NFIA: variants seen among roughly 807,000 people sequenced by gnomAD.
NFIA encodes nuclear factor I A.
NFIA carries 8 observed loss-of-function variants against 62.8 expected under a neutral mutation model. That is an observed-to-expected ratio of 0.13 (90% CI 0.07 to 0.23). NFIA has a LOEUF of 0.23. Among genes scored for constraint, NFIA ranks in the 10% least tolerant of loss-of-function variants. The pLI is 1.00. For missense variants in NFIA, 410 were observed against 642.1 expected (o/e 0.64, Z 3.91); for synonymous variants, 235 against 238.1 (o/e 0.99, Z 0.12).
chr1:61,078,331 AAG>A (rs1646057080), upstream of NFIA, among the ~76,000 whole-genome samples: 1 of 152,002 alleles, frequency 6.6e-6, no homozygotes, highest in African/African-American at 2.4e-5. Context: ...CTTTTGGAAA[AAG>A]AAACATTCTG....
chr1:61,453,613 G>A (rs1668169744), intron 10 of NFIA, among the ~76,000 whole-genome samples: 1 of 152,060 alleles, frequency 6.6e-6, no homozygotes, highest in Non-Finnish European at 1.5e-5. Context: ...CTTAGTGTCA[G>A]ATTGAAGAAG....
At chr1:61,113,596 G>GAAAAAA (rs376543670) in intron 2 of NFIA, among the ~76,000 whole-genome samples, 1 of 106,974 alleles carries the variant, frequency 9.3e-6, no homozygotes, top group African/African-American at 3.6e-5. Flanking sequence ...CTCCATCTCA[G>GAAAAAA]AAAAAAAAAA....
At chr1:61,314,856 C>T (rs1660288790) in intron 3 of NFIA, among the ~76,000 whole-genome samples, 1 of 152,186 alleles carries the variant, frequency 6.6e-6, no homozygotes, top group Non-Finnish European at 1.5e-5. Context: ...AAGCCTTCCC[C>T]ACTAGCTGTT....
intron 3 of NFIA, among the ~76,000 whole-genome samples, chr1:61,301,745 A>C (rs1412191235): frequency 6.6e-6 from 1 of 152,214 alleles, no homozygotes; most frequent in Non-Finnish European, 1.5e-5. Context: ...GAGTATGAAC[A>C]TGCTGATTTA....
chr1:61,090,644 AG>A (rs1483576711), intron 2 of NFIA, among the ~76,000 whole-genome samples: 1 of 152,220 alleles, frequency 6.6e-6, no homozygotes, highest in African/African-American at 2.4e-5. Context: ...AAGGTTACTT[AG>A]GAGAGTTAGC....
rs144519297 is a variant in NFIA, at chr1:61,307,635, G to C, written c.626-24877G>C. Among the ~76,000 whole-genome samples, 1,334 of 152,290 alleles carry C rather than the reference G, an allele frequency of 8.8e-3. 8 individuals are homozygous for C. Among genetic ancestry groups the C allele is most frequent in the Middle Eastern group, 0.031 (9 of 294 alleles). ...TCATTTCCAGTACCCACATATGACT[G>C]TGCTTCTGTTTTGTGTTTTATTAAG... On this transcript the variant is annotated intron_variant, in intron 3 of 10. Coordinates refer to ENST00000403491, the MANE Select transcript of NFIA (RefSeq NM_001134673.4).
chr1:61,306,266 G>GTTGTTT (rs1557695597), intron 3 of NFIA, among the ~76,000 whole-genome samples: 3 of 45,356 alleles, frequency 6.6e-5, no homozygotes, highest in South Asian at 1.6e-3. Context: ...CCCAGATTTT[G>GTTGTTT]TTCTTTTTTT....
chr1:61,332,652 A>T, intron 4 of NFIA, 66 bp downstream of exon 4: 1 of 1,311,766 alleles, frequency 7.6e-7, no homozygotes, highest in East Asian at 2.4e-5. Context: ...TCTGCCTAGG[A>T]CTCCTAGAGA....
chr1:61,120,568 G>A (rs1414343980), intron 2 of NFIA, among the ~76,000 whole-genome samples: 2 of 152,176 alleles, frequency 1.3e-5, no homozygotes, highest in African/African-American at 4.8e-5. Flanking sequence ...CATCAAAAGA[G>A]TGATAAGCTT....
intron 10 of NFIA, among the ~76,000 whole-genome samples, chr1:61,452,523 G>A (rs1668102681): frequency 6.6e-6 from 1 of 152,048 alleles, no homozygotes; most frequent in African/African-American, 2.4e-5. Context: ...GTTTTTTCAC[G>A]GGTTATTAAA....
In NFIA at chr1:61,444,949, G is replaced by A. The variant is rs549030786; in HGVS notation, c.1513-10354G>A. ...GGACCGTTTCAAACTAGCACTGTGT[G>A]TGTGTATTGAGAGTTTGTTCCCAAA... On this transcript the variant is annotated intron_variant, in intron 10 of 10. Coordinates refer to ENST00000403491, the MANE Select transcript of NFIA (RefSeq NM_001134673.4). Among the ~76,000 whole-genome samples the A allele has an allele frequency of 5.9e-5, 9 of 152,318 alleles. No homozygotes were observed. In the South Asian group the frequency reaches 1.2e-3, roughly 21 times the overall value.
Position 61,160,938 on chromosome 1 carries a change from A to G in NFIA, c.559+72258A>G, listed in dbSNP as rs185697235. Among the ~76,000 whole-genome samples, 38 of 152,326 alleles carry G rather than the reference A, an allele frequency of 2.5e-4. No homozygotes were observed. The East Asian group carries it at 7.1e-3, about 29-fold the overall frequency. The stretch of plus-strand genomic sequence containing the variant: ...TACATGTTTTGTTTTGTTTTGAGAC[A>G]GAGCCTCACTCTGTTGTCCAGGCTG... On this transcript the variant is annotated intron_variant, in intron 2 of 10. Coordinates refer to ENST00000403491, the MANE Select transcript of NFIA (RefSeq NM_001134673.4).
chr1:61,382,875 G>A (rs560358163), intron 6 of NFIA, among the ~76,000 whole-genome samples: 2 of 152,278 alleles, frequency 1.3e-5, no homozygotes, highest in Admixed American at 1.3e-4. Context: ...GATTGCATGT[G>A]AAGTCTTCAT....
intron 2 of NFIA, among the ~76,000 whole-genome samples, chr1:61,109,132 T>A (rs1302633160): frequency 6.6e-6 from 1 of 151,870 alleles, no homozygotes; most frequent in Non-Finnish European, 1.5e-5. Flanking sequence ...TTTTCCTTTT[T>A]CCTCATGTAA....
intron 2 of NFIA, among the ~76,000 whole-genome samples, chr1:61,272,292 A>G (rs1657556678): frequency 6.6e-6 from 1 of 152,168 alleles, no homozygotes; most frequent in African/African-American, 2.4e-5. Flanking sequence ...GGTTTTTCCA[A>G]TATTTTCTTC....
intron 5 of NFIA, among the ~76,000 whole-genome samples, chr1:61,352,955 G>C (rs933248677): frequency 6.6e-6 from 1 of 152,056 alleles, no homozygotes; most frequent in Non-Finnish European, 1.5e-5. Context: ...ATGAGCAAAG[G>C]CTTGGAGGAA....
intron 2 of NFIA, among the ~76,000 whole-genome samples, chr1:61,095,287 T>C (rs144817948): frequency 1.3e-4 from 20 of 152,350 alleles, no homozygotes; most frequent in African/African-American, 4.8e-4. Flanking sequence ...AGGTTTGTCA[T>C]AGTCATATAT....
At chr1:61,407,884 G>A (rs181749507) in intron 9 of NFIA, among the ~76,000 whole-genome samples, 7 of 152,212 alleles carry the variant, frequency 4.6e-5, no homozygotes, top group Non-Finnish European at 7.4e-5. Flanking sequence ...GGATGAATGC[G>A]GTGAATGAAG....
Position 61,406,542 on chromosome 1 carries a change from T to TGGGGGGGGGGGGGGGGGCGGGGGGGG in NFIA, c.1255-19_1255-18insGGGGGGGGGGGGGGGGCGGGGGGGGG. ...TTCTTTTTCTTGTACGTGTGTTTTC[T>TGGGGGGGGGGGGGGGGGCGGGGGGGG]GCCCCCCCCCCCCCCACAGCCCAAT... On this transcript the variant is annotated intron_variant, in intron 8 of 10. Coordinates refer to ENST00000403491, the MANE Select transcript of NFIA (RefSeq NM_001134673.4). The TGGGGGGGGGGGGGGGGGCGGGGGGGG allele has an allele frequency of 8.0e-7, 1 of 1,253,830 alleles. No homozygotes were observed. The highest frequency in any genetic ancestry group is 1.1e-6 in the Non-Finnish European group (1 of 931,744). The allele number at this position is 1,253,830 out of a possible 1,614,324, so 77.7% of individuals were successfully genotyped here.
Sources: allele counts gnomAD v4.1 joint callset (sites outside exome capture counted in the v4.1 genomes callset), GRCh38; gene constraint gnomAD v4.1.1; transcripts MANE v1.5; gene names NCBI Gene and HGNC (gene_info 2026-07-23, HGNC 2026-07-21).